The following ZZZ3 variants were observed in gnomAD, a reference collection of about 807,000 sequenced individuals.
ZZZ3 encodes the protein zinc finger ZZ-type containing 3.
Under a neutral mutation model 95.2 loss-of-function variants are expected in ZZZ3, and 22 were observed. The observed-to-expected ratio is 0.23, with a 90% confidence interval of 0.17 to 0.33. The LOEUF (loss-of-function observed/expected upper bound fraction) is 0.33, where lower values mean the gene tolerates loss of function less well. Among genes scored for constraint, ZZZ3 ranks in the 10% least tolerant of loss-of-function variants. The probability of loss-of-function intolerance (pLI) is 1.00; values close to 1 mark genes in which losing one functional copy is unlikely to be tolerated. For synonymous variants in ZZZ3, 335 were observed against 358.9 expected (o/e 0.93, Z 0.75); for missense variants, 885 against 1,066.5 (o/e 0.83, Z 2.37).
At chr1:77,617,710 G>A (rs1666446477) in intron 5 of ZZZ3, among the ~76,000 whole-genome samples, 1 of 151,628 alleles carries the variant, frequency 6.6e-6, no homozygotes, top group Non-Finnish European at 1.5e-5. Flanking sequence ...AGGCCCAGGT[G>A]GGTGAATCAT....
intron 5 of ZZZ3, among the ~76,000 whole-genome samples, chr1:77,610,313 A>G (rs1665667087): frequency 6.6e-6 from 1 of 152,026 alleles, no homozygotes; most frequent in South Asian, 2.1e-4. Flanking sequence ...ACAAGATCAA[A>G]GCCATAATAA....
chr1:77,669,820 C>T (rs1424743519), intron 1 of ZZZ3, among the ~76,000 whole-genome samples: 1 of 151,424 alleles, frequency 6.6e-6, no homozygotes, highest in Non-Finnish European at 1.5e-5. Context: ...GGTTTTATTA[C>T]TAAGAACTTC....
intron 12 of ZZZ3, among the ~76,000 whole-genome samples, chr1:77,572,615 G>T (rs893036467): frequency 1.3e-5 from 2 of 151,888 alleles, no homozygotes; most frequent in African/African-American, 4.8e-5. Context: ...TGGGATTACA[G>T]GTGTGAGACA....
intron 5 of ZZZ3, among the ~76,000 whole-genome samples, chr1:77,588,452 A>G (rs1364680273): frequency 6.7e-6 from 1 of 149,384 alleles, no homozygotes; most frequent in Non-Finnish European, 1.5e-5. Context: ...ACAGCTATGC[A>G]GGAAAAAAAA....
chr1:77,589,174 AC>A (rs1408814180), intron 5 of ZZZ3, among the ~76,000 whole-genome samples: 1 of 152,056 alleles, frequency 6.6e-6, no homozygotes, highest in Non-Finnish European at 1.5e-5. Flanking sequence ...CCCACACCCA[AC>A]CAGAACTGTT....
At chr1:77,591,377 C>T (rs1215092747) in intron 5 of ZZZ3, among the ~76,000 whole-genome samples, 1 of 152,112 alleles carries the variant, frequency 6.6e-6, no homozygotes, top group African/African-American at 2.4e-5. Flanking sequence ...TAGATGGTGT[C>T]TCACTCTGTT....
At chr1:77,626,574 C>T (rs185012119) in intron 5 of ZZZ3, among the ~76,000 whole-genome samples, 43 of 152,280 alleles carry the variant, frequency 2.8e-4, no homozygotes, top group Admixed American at 2.6e-3. Context: ...GTTGATCTGA[C>T]AGGAGGTGCT....
chr1:77,569,436 A>G (rs1056965047), intron 12 of ZZZ3, among the ~76,000 whole-genome samples: 8 of 152,366 alleles, frequency 5.3e-5, no homozygotes, highest in East Asian at 3.9e-4. Flanking sequence ...TTTTAGATAC[A>G]TATGTTCGGG....
Position 77,565,679 on chromosome 1 carries a change from G to T in ZZZ3, c.2673C>A (p.Tyr891Ter). The part of the protein sequence containing the change: ...RDYCVSQGTS[Y>*]NYLDPNYFPA... Reference sequence around the variant, plus strand: ...GAAAGTAGTTTGGGTCAAGGTAATTGTAACTGGTGCCCTGAGACACACAGT... The same window carrying T: ...GAAAGTAGTTTGGGTCAAGGTAATTTTAACTGGTGCCCTGAGACACACAGT... The change falls in exon 15 of 15, where the codon TAC becomes TAA. Residue 891 changes from tyrosine to a stop codon, truncating the protein, a stop_gained. Coordinates refer to ENST00000370801, the MANE Select transcript of ZZZ3 (RefSeq NM_015534.6). LOFTEE classifies it high-confidence loss of function. 6 of 1,613,984 alleles carry T rather than the reference G, an allele frequency of 3.7e-6. No homozygotes were observed. Among genetic ancestry groups the T allele is most frequent in the Non-Finnish European group, 5.1e-6 (6 of 1,179,896 alleles).
intron 1 of ZZZ3, among the ~76,000 whole-genome samples, chr1:77,661,763 A>C (rs936522127): frequency 2.0e-5 from 3 of 152,146 alleles, no homozygotes; most frequent in African/African-American, 7.2e-5. Context: ...GAGTCTCTTA[A>C]ATCACAAGAC....
intron 5 of ZZZ3, among the ~76,000 whole-genome samples, chr1:77,622,709 T>TTAGG (rs1667000556): frequency 6.6e-6 from 1 of 152,178 alleles, no homozygotes; most frequent in East Asian, 1.9e-4. Flanking sequence ...CCTCAAGAAC[T>TTAGG]TTATCTCACC....
At chr1:77,615,281 C>T (rs1181471516) in intron 5 of ZZZ3, among the ~76,000 whole-genome samples, 1 of 152,172 alleles carries the variant, frequency 6.6e-6, no homozygotes. Flanking sequence ...TCCCAGAATG[C>T]TTTTTACCAA....
At chr1:77,634,007 T>TA (rs1338307306) in intron 4 of ZZZ3, among the ~76,000 whole-genome samples, 1 of 151,878 alleles carries the variant, frequency 6.6e-6, no homozygotes, top group Admixed American at 6.6e-5. Flanking sequence ...CTGTCTCTAC[T>TA]AAAAATACAA....
rs550120308 is a variant in ZZZ3 at position 77,563,481 on chromosome 1, A to ACTCAAAAAT, written c.*2150_*2158dup. ...CTGCTCAAGCCGAAAAATCTTCTTA[A>ACTCAAAAAT]CTCAAAAATCTCAAAAAATGTTTGC... On this transcript the variant is annotated 3_prime_UTR_variant, in exon 15 of 15. Coordinates refer to ENST00000370801, the MANE Select transcript of ZZZ3 (RefSeq NM_015534.6). 211 of 152,282 alleles carry ACTCAAAAAT rather than the reference A, an allele frequency of 1.4e-3. No homozygotes were observed. The highest frequency in any genetic ancestry group is 4.5e-3 in the African/African-American group (188 of 41,574). The allele number at this position is 152,282 out of a possible 1,614,324, so 9.4% of individuals were successfully genotyped here.
At position 77,642,587 on chromosome 1, in the gene ZZZ3, C is replaced by CA. The variant is rs59885886; in HGVS notation, c.-402-933dup. ...AGTGAGCCCTCTTCTCTAAACAAAA[C>CA]AAAAAAAAAAAAAATGAAAATTAGC... is the stretch of plus-strand genomic sequence containing the variant. On this transcript the variant is annotated intron_variant, in intron 1 of 14. Coordinates refer to ENST00000370801, the MANE Select transcript of ZZZ3 (RefSeq NM_015534.6). Among the ~76,000 whole-genome samples, 119 of 142,724 alleles carry CA rather than the reference C, an allele frequency of 8.3e-4. 1 individual carries two copies. The East Asian group carries it at 0.011, about 13-fold the overall frequency. 93.6% of individuals were successfully genotyped at this position (142,724 alleles called of 152,430 possible).
intron 5 of ZZZ3, among the ~76,000 whole-genome samples, chr1:77,591,161 TG>T (rs1302885888): frequency 1.2e-5 from 1 of 83,494 alleles, no homozygotes; most frequent in Non-Finnish European, 3.1e-5. Flanking sequence ...GATAAATATA[TG>T]TTATGCAGCA....
chr1:77,586,171 G>C (rs1458496194), intron 5 of ZZZ3, among the ~76,000 whole-genome samples: 1 of 152,096 alleles, frequency 6.6e-6, no homozygotes, highest in Non-Finnish European at 1.5e-5. Flanking sequence ...GCTCACATAG[G>C]CTCAATCTTA....
At chr1:77,683,199 C>T (rs1260583162), upstream of ZZZ3, 1 of 146,864 alleles carries the variant, frequency 6.8e-6, no homozygotes, top group African/African-American at 2.5e-5. Flanking sequence ...CCCCCATTCC[C>T]TCCCCCTTCA....
In ZZZ3 at chr1:77,584,514, T is replaced by A. The variant is rs778812191; in HGVS notation, c.1644+3A>T. ...TAAATCTTAAAAACAGTTCAATGTATACCTTCTTCTGGAGTTTTTCCACAA... is the reference window on the plus strand; with the variant it reads ...TAAATCTTAAAAACAGTTCAATGTAAACCTTCTTCTGGAGTTTTTCCACAA... On this transcript the variant is annotated splice_donor_region_variant and intron_variant, in intron 6 of 14. Coordinates refer to ENST00000370801, the MANE Select transcript of ZZZ3 (RefSeq NM_015534.6). 1 of 1,605,446 alleles carries A rather than the reference T, an allele frequency of 6.2e-7. No individual in the cohort carries two copies. Among genetic ancestry groups the A allele is most frequent in the South Asian group, 1.1e-5 (1 of 89,110 alleles).
Sources: gnomAD v4.1 joint callset for allele counts (sites outside exome capture counted in the v4.1 genomes callset) on GRCh38, gnomAD v4.1.1 for gene constraint, MANE v1.5 for transcripts, NCBI Gene and HGNC (gene_info 2026-07-23, HGNC 2026-07-21) for gene names.